FER: variants seen among roughly 807,000 people sequenced by gnomAD.
FER encodes FER tyrosine kinase, also known as tyrosine-protein kinase Fer.
A neutral mutation model predicts 111.0 loss-of-function variants in FER; 63 were observed. That is an observed-to-expected ratio of 0.57 (90% CI 0.46 to 0.70). The LOEUF is 0.70. FER is among the 30% of genes least tolerant of loss of function. The pLI is 0.00. For missense variants in FER, 914 were observed against 954.0 expected, an observed-to-expected ratio of 0.96 and a Z score of 0.55; for synonymous variants, 327 against 313.9, an observed-to-expected ratio of 1.04 and a Z score of -0.44.
chr5:108,872,283 A>C, intron 8 of FER, 71 bp downstream of exon 8: 1 of 1,375,444 alleles, frequency 7.3e-7, no homozygotes, highest in Non-Finnish European at 9.8e-7. Context: ...ACTCAGATTT[A>C]AAATATCAAT....
intron 5 of FER, among the ~76,000 whole-genome samples, chr5:108,837,672 A>G (rs923065336): frequency 1.3e-5 from 2 of 152,240 alleles, no homozygotes; most frequent in East Asian, 3.9e-4. Context: ...TTAGTGATAC[A>G]GTTTATTTTT....
intron 13 of FER, among the ~76,000 whole-genome samples, chr5:108,973,790 A>ACTACTTT (rs1760981163): frequency 6.6e-6 from 1 of 152,162 alleles, no homozygotes; most frequent in Admixed American, 6.5e-5. Flanking sequence ...TGATTTTCTC[A>ACTACTTT]CTACTTTCTA....
intron 16 of FER, among the ~76,000 whole-genome samples, chr5:109,081,861 T>A (rs906567707): frequency 5.3e-5 from 8 of 152,046 alleles, no homozygotes; most frequent in Admixed American, 2.6e-4. Flanking sequence ...TATTACTTTT[T>A]CCTAAAGTAC....
chr5:109,010,993 C>A (rs1051328232), intron 13 of FER, among the ~76,000 whole-genome samples: 20 of 152,016 alleles, frequency 1.3e-4, no homozygotes, highest in African/African-American at 4.3e-4. Context: ...TAAAAATTAC[C>A]CATGAGCCTC....
chr5:108,914,061 G>C (rs570791846), intron 10 of FER, among the ~76,000 whole-genome samples: 5 of 152,268 alleles, frequency 3.3e-5, no homozygotes, highest in African/African-American at 9.6e-5. Context: ...CTTGTTTCTT[G>C]ATCTGTGTTC....
chr5:108,758,863 A>C (rs1308375315), intron 1 of FER, among the ~76,000 whole-genome samples: 6 of 152,294 alleles, frequency 3.9e-5, no homozygotes, highest in African/African-American at 1.4e-4. Context: ...CGCATTTACT[A>C]TAGTCCTCTA....
chr5:109,106,305 A>C (rs1748917317), intron 17 of FER, among the ~76,000 whole-genome samples: 1 of 152,162 alleles, frequency 6.6e-6, no homozygotes, highest in African/African-American at 2.4e-5. Context: ...AGTTGCTGAA[A>C]TGCAGGAGCA....
chr5:109,120,103 C>A (rs1750775637), intron 17 of FER, among the ~76,000 whole-genome samples: 1 of 152,032 alleles, frequency 6.6e-6, no homozygotes, highest in Admixed American at 6.6e-5. Flanking sequence ...TGTGCAGAAG[C>A]TTTTTAACTT....
At chr5:109,185,444 C>T (rs559065544) in intron 18 of FER, among the ~76,000 whole-genome samples, 1 of 152,022 alleles carries the variant, frequency 6.6e-6, no homozygotes, top group African/African-American at 2.4e-5. Flanking sequence ...TTCCTAATTG[C>T]TTTAAGTTTG....
chr5:108,766,764 G>A (rs982833006), intron 1 of FER, among the ~76,000 whole-genome samples: 1 of 152,162 alleles, frequency 6.6e-6, no homozygotes, highest in Non-Finnish European at 1.5e-5. Flanking sequence ...GGGAGACAGA[G>A]TAGGCAAACA....
chr5:109,079,786 C>G (rs1314471211), intron 16 of FER, among the ~76,000 whole-genome samples: 1 of 152,102 alleles, frequency 6.6e-6, no homozygotes, highest in East Asian at 1.9e-4. Context: ...AGACCTTTCC[C>G]TGCTTAAACT....
intron 16 of FER, among the ~76,000 whole-genome samples, chr5:109,076,926 T>A (rs1329815300): frequency 6.6e-6 from 1 of 152,250 alleles, no homozygotes; most frequent in Admixed American, 6.5e-5. Context: ...GCCGTCATTA[T>A]GGATGATGAT....
chr5:109,124,435 A>G (rs1240374381), intron 17 of FER, among the ~76,000 whole-genome samples: 1 of 152,236 alleles, frequency 6.6e-6, no homozygotes, highest in Non-Finnish European at 1.5e-5. Context: ...GAAGTTATTC[A>G]TTAAACCCCT....
chr5:109,127,187 C>T (rs968544629), intron 17 of FER, among the ~76,000 whole-genome samples: 10 of 152,058 alleles, frequency 6.6e-5, no homozygotes, highest in African/African-American at 2.4e-4. Flanking sequence ...ACTCTGGGGG[C>T]TTTGTCATAT....
chr5:108,832,898 A>G lies in FER; in HGVS notation c.336A>G (p.Lys112=). The part of the protein sequence containing the change: ...MMIKDKQQVK[K]SYIGVHQQIE... ...TTAAGGACAAGCAGCAGGTGAAGAA[A>G]AGTTACATAGGTGTTCATCAGCAGA... Residue 112 remains lysine, a synonymous_variant, in exon 4 of 20, where the codon AAA becomes AAG. Coordinates refer to ENST00000281092, the MANE Select transcript of FER (RefSeq NM_005246.4). 1 of 1,606,644 alleles carries G rather than the reference A, an allele frequency of 6.2e-7. No individual in the cohort carries two copies.
Position 108,895,565 on chromosome 5 carries a change from T to G in FER, c.1047-2094T>G, listed in dbSNP as rs529472080. The stretch of plus-strand genomic sequence containing the variant: ...CTGCCTTTTCTTCCACCATTTCCAT[T>G]GTCACATCACCTTTTCTGACATTGT... On this transcript the variant is annotated intron_variant, in intron 9 of 19. Coordinates refer to ENST00000281092, the MANE Select transcript of FER (RefSeq NM_005246.4). Among the ~76,000 whole-genome samples the G allele has an allele frequency of 2.6e-4, 40 of 152,322 alleles. No homozygotes were observed. The South Asian group carries it at 7.9e-3, about 30-fold the overall frequency.
chr5:108,821,095 G>C (rs1324304231), intron 3 of FER, among the ~76,000 whole-genome samples: 1 of 152,224 alleles, frequency 6.6e-6, no homozygotes, highest in Non-Finnish European at 1.5e-5. Context: ...CTGGGTGATA[G>C]AGTGAGACTA....
intron 17 of FER, among the ~76,000 whole-genome samples, chr5:109,162,809 G>T (rs1046493149): frequency 6.6e-6 from 1 of 151,890 alleles, no homozygotes; most frequent in African/African-American, 2.4e-5. Context: ...CACAAGACTT[G>T]CATATTATAT....
chr5:108,798,449 A>T, intron 3 of FER, 60 bp downstream of exon 3: 1 of 1,311,792 alleles, frequency 7.6e-7, no homozygotes, highest in Non-Finnish European at 1.1e-6. Flanking sequence ...TTAAAATGCA[A>T]TAGCTCAAAC....
Sources: gnomAD v4.1 joint callset for allele counts (sites outside exome capture counted in the v4.1 genomes callset) on GRCh38, gnomAD v4.1.1 for gene constraint, MANE v1.5 for transcripts, NCBI Gene and HGNC (gene_info 2026-07-23, HGNC 2026-07-21) for gene names.